KCNIP1: variants seen among roughly 807,000 people sequenced by gnomAD.
The protein encoded by KCNIP1 is potassium voltage-gated channel interacting protein 1.
Under a neutral mutation model 33.0 loss-of-function variants are expected in KCNIP1, and 18 were observed. That is an observed-to-expected ratio of 0.55 (90% CI 0.38 to 0.81). The LOEUF (loss-of-function observed/expected upper bound fraction) is 0.81, where lower values mean the gene tolerates loss of function less well. Ranked by LOEUF, KCNIP1 falls within the 30% of genes least tolerant of loss-of-function variation. The probability of loss-of-function intolerance (pLI) is 0.00; values close to 1 mark genes in which losing one functional copy is unlikely to be tolerated. For synonymous variants in KCNIP1, 93 were observed against 98.3 expected (o/e 0.95, Z 0.32); for missense variants, 238 against 271.6 (o/e 0.88, Z 0.87).
intron 1 of KCNIP1, among the ~76,000 whole-genome samples, chr5:170,589,060 G>A (rs756494091): frequency 3.4e-5 from 5 of 147,550 alleles, no homozygotes; most frequent in Admixed American, 1.4e-4. Context: ...GTGCAGTGGC[G>A]CGATCTCGGC....
At chr5:170,591,423 C>T (rs1038453763) in intron 1 of KCNIP1, among the ~76,000 whole-genome samples, 8 of 152,214 alleles carry the variant, frequency 5.3e-5, no homozygotes, top group African/African-American at 1.9e-4. Context: ...TCTCCCAGTT[C>T]GTTTTTTAAA....
At chr5:170,437,658 C>T (rs577554508) in intron 1 of KCNIP1, among the ~76,000 whole-genome samples, 4 of 152,146 alleles carry the variant, frequency 2.6e-5, no homozygotes, top group South Asian at 2.1e-4. Context: ...CGGAGCAGAA[C>T]GGACCCTCCC....
intron 1 of KCNIP1, among the ~76,000 whole-genome samples, chr5:170,357,131 T>G (rs1379701075): frequency 2.1e-5 from 3 of 140,972 alleles, no homozygotes; most frequent in African/African-American, 8.1e-5. Flanking sequence ...CTCTTTGGCA[T>G]TAAAAAAAAA....
intron 1 of KCNIP1, among the ~76,000 whole-genome samples, chr5:170,602,505 A>G (rs1758734482): frequency 6.6e-6 from 1 of 152,220 alleles, no homozygotes; most frequent in African/African-American, 2.4e-5. Flanking sequence ...GTGAGCATCT[A>G]CCTGCCTGCC....
At chr5:170,733,418 T>C (rs1199749321) in intron 6 of KCNIP1, among the ~76,000 whole-genome samples, 1 of 152,220 alleles carries the variant, frequency 6.6e-6, no homozygotes, top group African/African-American at 2.4e-5. Context: ...AAGAGTTCAC[T>C]CTAGTTCAAC....
intron 1 of KCNIP1, among the ~76,000 whole-genome samples, chr5:170,419,010 T>C (rs1022287325): frequency 3.3e-5 from 5 of 152,276 alleles, no homozygotes; most frequent in African/African-American, 7.2e-5. Flanking sequence ...CTTTCTTATA[T>C]GTCTCTGTAT....
At chr5:170,458,742 C>G (rs562502769) in intron 1 of KCNIP1, among the ~76,000 whole-genome samples, 8 of 152,268 alleles carry the variant, frequency 5.3e-5, no homozygotes, top group African/African-American at 1.9e-4. Context: ...CAAAACAGAA[C>G]GTCTTTAAGG....
intron 1 of KCNIP1, among the ~76,000 whole-genome samples, chr5:170,495,233 C>T (rs1303545203): frequency 6.6e-6 from 1 of 152,162 alleles, no homozygotes; most frequent in African/African-American, 2.4e-5. Context: ...CAGAAAGGCA[C>T]CCCAAGAGGT....
At chr5:170,626,230 T>C (rs1407969176) in intron 1 of KCNIP1, among the ~76,000 whole-genome samples, 7 of 152,306 alleles carry the variant, frequency 4.6e-5, no homozygotes, top group African/African-American at 1.4e-4. Flanking sequence ...TGCACTAACG[T>C]TGTCATGCAG....
In KCNIP1 at chr5:170,384,774, G is replaced by A. The variant is rs184184423; in HGVS notation, c.88+30810G>A. On this transcript the variant is annotated intron_variant, in intron 1 of 7. Coordinates refer to the KCNIP1 transcript ENST00000377360. ...TGATATGTCATGGAGCAAGGGCATGGACCATTCTCTGAGATTCCTGAGCAG... is the reference window on the plus strand; with the variant it reads ...TGATATGTCATGGAGCAAGGGCATGAACCATTCTCTGAGATTCCTGAGCAG... Among the ~76,000 whole-genome samples the A allele has an allele frequency of 1.7e-3, 257 of 152,328 alleles. 2 individuals are homozygous for A. Among genetic ancestry groups the A allele is most frequent in the Non-Finnish European group, 2.6e-4 (18 of 68,038 alleles).
intron 1 of KCNIP1, 43 bp from the exon 2 acceptor site, chr5:170,718,715 C>T (rs1763712991): frequency 1.2e-6 from 2 of 1,611,576 alleles, no homozygotes; most frequent in East Asian, 2.2e-5. Context: ...ACAAGAATGA[C>T]TCCCAAGCTC....
intron 1 of KCNIP1, among the ~76,000 whole-genome samples, chr5:170,596,927 T>G (rs1408689805): frequency 6.6e-6 from 1 of 152,180 alleles, no homozygotes; most frequent in Non-Finnish European, 1.5e-5. Flanking sequence ...TCACGCTGAG[T>G]GAGCACTGGC....
chr5:170,604,838 G>A (rs1157577091), intron 1 of KCNIP1, among the ~76,000 whole-genome samples: 4 of 152,240 alleles, frequency 2.6e-5, no homozygotes, highest in African/African-American at 9.6e-5. Context: ...GGACCTGCTG[G>A]TGTGCGTGTC....
At chr5:170,527,754 T>C (rs1278633169) in intron 1 of KCNIP1, among the ~76,000 whole-genome samples, 1 of 149,068 alleles carries the variant, frequency 6.7e-6, no homozygotes, top group African/African-American at 2.5e-5. Context: ...GCTCACAGGC[T>C]CACCCCAGCA....
intron 1 of KCNIP1, among the ~76,000 whole-genome samples, chr5:170,690,194 C>T (rs73319387): frequency 0.022 from 3,367 of 152,238 alleles, 141 homozygotes; most frequent in African/African-American, 0.077. Flanking sequence ...CCAAAGCTTC[C>T]TCACACCTTG....
At chr5:170,444,469 C>A (rs1756062367) in intron 1 of KCNIP1, among the ~76,000 whole-genome samples, 1 of 152,140 alleles carries the variant, frequency 6.6e-6, no homozygotes, top group Non-Finnish European at 1.5e-5. Context: ...TTAAAGCCAG[C>A]TGATTGACAA....
At chr5:170,515,198 A>G (rs985204318) in intron 1 of KCNIP1, among the ~76,000 whole-genome samples, 2 of 152,172 alleles carry the variant, frequency 1.3e-5, no homozygotes. Flanking sequence ...TTATGATTTG[A>G]TATGTCCTCA....
chr5:170,539,923 A>G (rs1756132783), intron 1 of KCNIP1, among the ~76,000 whole-genome samples: 1 of 152,186 alleles, frequency 6.6e-6, no homozygotes, highest in Non-Finnish European at 1.5e-5. Flanking sequence ...TTAAGAACTC[A>G]GGGTAAATAA....
intron 1 of KCNIP1, among the ~76,000 whole-genome samples, chr5:170,405,212 TGA>T (rs57890284): frequency 0.011 from 1,699 of 151,940 alleles, 32 homozygotes; most frequent in African/African-American, 0.039. Context: ...CTTTTTTTTT[TGA>T]GATGAAGTCT....
Sources: gnomAD v4.1 joint callset for allele counts (sites outside exome capture counted in the v4.1 genomes callset) on GRCh38, gnomAD v4.1.1 for gene constraint, MANE v1.5 for transcripts, NCBI Gene and HGNC (gene_info 2026-07-23, HGNC 2026-07-21) for gene names.